Variants in ZNF607 observed in about 807,000 individuals in gnomAD.
ZNF607 encodes the protein zinc finger protein 607.
Under a neutral mutation model 12.8 loss-of-function variants are expected in ZNF607, and 5 were observed. The observed-to-expected ratio is 0.39, with a 90% CI of 0.20 to 0.82. The LOEUF (loss-of-function observed/expected upper bound fraction) is 0.82, where lower values mean the gene tolerates loss of function less well. Ranked by LOEUF, ZNF607 falls within the 40% of genes least tolerant of loss-of-function variation. The pLI is 0.39. For synonymous variants in ZNF607, 287 were observed against 276.2 expected, an observed-to-expected ratio of 1.04 and a Z score of -0.39; for missense variants, 851 against 859.2, an observed-to-expected ratio of 0.99 and a Z score of 0.12.
intron 3 of ZNF607, 99 bp from the exon 4 acceptor site, chr19:37,708,111 G>A (rs780418086): frequency 1.2e-6 from 1 of 826,386 alleles, no homozygotes; most frequent in Non-Finnish European, 1.9e-6. Flanking sequence ...GTGATACTGA[G>A]TAAGATTTTA....
intron 4 of ZNF607, chr19:37,706,641 C>T (rs1480159025): frequency 1.3e-5 from 2 of 151,802 alleles, no homozygotes; most frequent in Non-Finnish European, 2.9e-5. Context: ...ACGATTAGCA[C>T]TCTCTTCCCC....
At chr19:37,702,206 G>C (rs2045044358) in intron 4 of ZNF607, among the ~76,000 whole-genome samples, 1 of 145,174 alleles carries the variant, frequency 6.9e-6, no homozygotes, top group African/African-American at 2.6e-5. Flanking sequence ...GAAATCACTT[G>C]AACCTGGGAG....
intron 4 of ZNF607, among the ~76,000 whole-genome samples, chr19:37,704,581 A>G (rs1457151608): frequency 6.7e-6 from 1 of 150,260 alleles, no homozygotes; most frequent in Non-Finnish European, 1.5e-5. Flanking sequence ...CACACAATGT[A>G]TCAACTTTTA....
In ZNF607 at chr19:37,696,647, G is replaced by A; in HGVS notation, c.*1393C>T. On this transcript the variant is annotated 3_prime_UTR_variant, in exon 5 of 5. Coordinates refer to ENST00000355202, the MANE Select transcript of ZNF607 (RefSeq NM_032689.5). ...TAGGGCAGCTGGAGGAGCACGGACT[G>A]CCCTGCCGGCAGGCAGGTGATGTTC... 1 of 653,498 alleles carries A rather than the reference G, an allele frequency of 1.5e-6. No homozygotes were observed. Among genetic ancestry groups the A allele is most frequent in the Non-Finnish European group, 2.8e-6 (1 of 351,876 alleles). 40.5% of individuals were successfully genotyped at this position (653,498 alleles called of 1,614,324 possible). A position where few individuals can be genotyped will look rare whatever the true frequency, so the allele number is the denominator to read the frequency against.
intron 4 of ZNF607, among the ~76,000 whole-genome samples, chr19:37,706,044 T>A (rs1379969046): frequency 6.6e-6 from 1 of 151,738 alleles, no homozygotes. Flanking sequence ...CTACTAAAAA[T>A]ACAAAAATTA....
chr19:37,707,407 C>T (rs1157151923), intron 4 of ZNF607, among the ~76,000 whole-genome samples: 1 of 152,036 alleles, frequency 6.6e-6, no homozygotes, highest in Non-Finnish European at 1.5e-5. Context: ...TGTGCCACTG[C>T]ACTCCTGCTC....
intron 4 of ZNF607, among the ~76,000 whole-genome samples, chr19:37,707,366 C>T (rs2045093510): frequency 6.6e-6 from 1 of 151,916 alleles, no homozygotes; most frequent in Admixed American, 6.6e-5. Context: ...TGGTGCACAC[C>T]TGTGGTCCCA....
rs367740354 is a variant in ZNF607 at position 37,708,001 on chromosome 19, C to T, written c.148G>A (p.Val50Ile). The T allele has an allele frequency of 5.9e-5, 95 of 1,612,026 alleles. 1 individual carries two copies. Among genetic ancestry groups the T allele is most frequent in the East Asian group, 1.3e-4 (6 of 44,854 alleles). ...DNLVSLAGHS[V>I]SKPDLITLLE... ...AAGGTGATTAAATCTGGCTTAGATA[C>T]GGAATGTCCTGCTTACAAAGAAAAG... Residue 50 changes from valine to isoleucine, a missense_variant, in exon 4 of 5, where the codon GTA (valine) becomes ATA (isoleucine). Val to Ile is a conservative substitution (Grantham distance 29). Coordinates refer to ENST00000355202, the MANE Select transcript of ZNF607 (RefSeq NM_032689.5).
rs1277962571 is a variant in ZNF607 at position 37,697,664 on chromosome 19, G to C, written c.*376C>G. 1 of 314,756 alleles carries C rather than the reference G, an allele frequency of 3.2e-6. No individual in the cohort carries two copies. The highest frequency in any genetic ancestry group is 6.3e-5 in the East Asian group (1 of 15,764). 19.5% of individuals were successfully genotyped at this position (314,756 alleles called of 1,614,324 possible). On this transcript the variant is annotated 3_prime_UTR_variant, in exon 5 of 5. Transcript: ENST00000355202. ...GTTTCCTGTGTAATGGCTTTTTCCA[G>C]GTTTAACAATAAATGATTGTTGCTG... is the stretch of plus-strand genomic sequence containing the variant.
chr19:37,705,793 CTA>C (rs2045077622), intron 4 of ZNF607, among the ~76,000 whole-genome samples: 1 of 151,204 alleles, frequency 6.6e-6, no homozygotes, highest in Non-Finnish European at 1.5e-5. Context: ...AGAAAAAAAA[CTA>C]TATTTCTTTC....
At chr19:37,700,829 C>T (rs915789474) in intron 4 of ZNF607, among the ~76,000 whole-genome samples, 5 of 151,154 alleles carry the variant, frequency 3.3e-5, no homozygotes, top group Admixed American at 6.6e-5. Flanking sequence ...CAAAAATCAT[C>T]GGGTGAAATA....
chr19:37,709,375 C>G lies in ZNF607; in HGVS notation c.136+321G>C, dbSNP rs79076801. On this transcript the variant is annotated intron_variant, in intron 3 of 4. Transcript: ENST00000355202. ...TTCTGTGCACAAAATAAATAAGAAA[C>G]CTGAACGCCCTGACAATGGTTCTAC... 1.2e-4 allele frequency among the ~76,000 whole-genome samples: 18 copies of G among 152,174 alleles called. No homozygotes were observed. In the East Asian group the frequency reaches 3.1e-3, roughly 26 times the overall value.
chr19:37,703,286 A>G (rs2045054474), intron 4 of ZNF607, among the ~76,000 whole-genome samples: 1 of 151,848 alleles, frequency 6.6e-6, no homozygotes, highest in Non-Finnish European at 1.5e-5. Context: ...AAAAAAAAAA[A>G]TTGAAATAAT....
rs934362251 is a variant in ZNF607, at chr19:37,719,657, G to A, written c.-463C>T. On this transcript the variant is annotated 5_prime_UTR_variant, in exon 1 of 5. Transcript: ENST00000355202. Reference sequence around the variant, plus strand: ...CAGTCAGGACCGCAGGTACCGGTGAGAAATGGAGTCCAGAATCCTAAAAAC... The same window carrying A: ...CAGTCAGGACCGCAGGTACCGGTGAAAAATGGAGTCCAGAATCCTAAAAAC... 5 of 152,358 alleles carry A rather than the reference G, an allele frequency of 3.3e-5. No individual in the cohort carries two copies. Among genetic ancestry groups the A allele is most frequent in the African/African-American group, 1.2e-4 (5 of 41,460 alleles). The allele number at this position is 152,358 out of a possible 1,614,324, so 9.4% of individuals were successfully genotyped here.
chr19:37,717,534 G>A (rs1326954589), intron 1 of ZNF607, among the ~76,000 whole-genome samples: 1 of 150,380 alleles, frequency 6.6e-6, no homozygotes, highest in Non-Finnish European at 1.5e-5. Context: ...GGTGGCTCAC[G>A]CCTGTAATCC....
intron 1 of ZNF607, among the ~76,000 whole-genome samples, chr19:37,717,996 C>A (rs930972102): frequency 2.0e-4 from 31 of 152,078 alleles, no homozygotes; most frequent in Non-Finnish European, 7.4e-5. Context: ...GTATAATTTT[C>A]TTAACCATTC....
chr19:37,697,537 T>C lies in ZNF607; in HGVS notation c.*503A>G. The C allele has an allele frequency of 1.9e-6, 1 of 531,032 alleles. No homozygotes were observed. Among genetic ancestry groups the C allele is most frequent in the South Asian group, 2.0e-5 (1 of 49,970 alleles). 32.9% of individuals were successfully genotyped at this position (531,032 alleles called of 1,614,324 possible). On this transcript the variant is annotated 3_prime_UTR_variant, in exon 5 of 5. Coordinates refer to ENST00000355202, the MANE Select transcript of ZNF607 (RefSeq NM_032689.5). ...TGATCCCCAGAAGGGATAAATATCT[T>C]CCCCCATATCATCCCAGCTATAGGA...
Position 37,698,281 on chromosome 19 carries a change from T to C in ZNF607, c.1850A>G (p.Tyr617Cys), listed in dbSNP as rs1442292789. The change falls in exon 5 of 5, where the codon TAT (tyrosine) becomes TGT (cysteine). Residue 617 changes from tyrosine (Y) to cysteine (C), a missense_variant. Tyr to Cys is a radical substitution (Grantham distance 194). Transcript: ENST00000355202. ...TGCCTTCCCACATCTTTTACATTCA[T>C]AGGGTTTATCACTGGTATGAATTCT... ...HERIHTSDKP[Y>C]ECKRCGKAFH... The C allele has an allele frequency of 6.2e-7, 1 of 1,614,088 alleles. No homozygotes were observed. Among genetic ancestry groups the C allele is most frequent in the South Asian group, 1.1e-5 (1 of 91,070 alleles).
chr19:37,709,638 A>G (rs900154448), intron 3 of ZNF607, 58 bp downstream of exon 3: 20 of 1,558,094 alleles, frequency 1.3e-5, no homozygotes, highest in Non-Finnish European at 1.8e-5. Flanking sequence ...AAAAGAATGT[A>G]TCCTACGAAA....
Sources: allele counts gnomAD v4.1 joint callset (sites outside exome capture counted in the v4.1 genomes callset), GRCh38; gene constraint gnomAD v4.1.1; transcripts MANE v1.5; gene names NCBI Gene and HGNC (gene_info 2026-07-23, HGNC 2026-07-21).